Variants in STK32B observed in about 807,000 individuals in gnomAD.
STK32B encodes the protein serine/threonine-protein kinase 32B.
A neutral mutation model predicts 52.6 loss-of-function variants in STK32B; 43 were observed. The ratio of observed to expected loss-of-function variants is 0.82; its 90% CI spans 0.64 to 1.05. The LOEUF is 1.05. STK32B is among the 50% of genes least tolerant of loss of function. The pLI is 0.00. For synonymous variants in STK32B, 238 were observed against 204.3 expected, an observed-to-expected ratio of 1.17 and a Z score of -1.41; for missense variants, 621 against 534.6, an observed-to-expected ratio of 1.16 and a Z score of -1.59.
At chr4:5,176,951 G>A (rs1719950491) in intron 3 of STK32B, among the ~76,000 whole-genome samples, 1 of 152,116 alleles carries the variant, frequency 6.6e-6, no homozygotes, top group Admixed American at 6.6e-5. Flanking sequence ...AGACTCTCTG[G>A]GCCTCAACTT....
intron 1 of STK32B, among the ~76,000 whole-genome samples, chr4:5,090,762 T>C (rs1184451682): frequency 6.6e-6 from 1 of 152,190 alleles, no homozygotes; most frequent in African/African-American, 2.4e-5. Flanking sequence ...CACCATTTGC[T>C]GAACAGGAGA....
At chr4:5,036,151 C>G in the STK32B span, among the ~76,000 whole-genome samples, 1 of 152,088 alleles carries the variant, frequency 6.6e-6, no homozygotes, top group Admixed American at 6.6e-5. Context: ...TTAACAAATA[C>G]CACTCCTGCC....
At chr4:5,427,514 T>A (rs1713205940) in intron 6 of STK32B, among the ~76,000 whole-genome samples, 1 of 152,212 alleles carries the variant, frequency 6.6e-6, no homozygotes, top group African/African-American at 2.4e-5. Context: ...TATTTGGGCC[T>A]GGAGTTTTCT....
intron 4 of STK32B, among the ~76,000 whole-genome samples, chr4:5,381,745 C>A (rs1018598258): frequency 1.3e-5 from 2 of 152,060 alleles, no homozygotes; most frequent in East Asian, 1.9e-4. Context: ...TCCTTGGGGC[C>A]CTGTAAAGAT....
At chr4:5,355,105 C>T (rs995662526) in intron 4 of STK32B, among the ~76,000 whole-genome samples, 3 of 152,110 alleles carry the variant, frequency 2.0e-5, no homozygotes, top group Admixed American at 6.6e-5. Context: ...TTGTTTCTAT[C>T]CGTGAAGTTT....
At chr4:5,149,623 C>G (rs1430500450) in intron 2 of STK32B, among the ~76,000 whole-genome samples, 2 of 152,006 alleles carry the variant, frequency 1.3e-5, no homozygotes, top group Admixed American at 6.5e-5. Context: ...AGAGGCCCAT[C>G]TACCACCCTA....
chr4:5,375,833 C>G (rs758916673), intron 4 of STK32B, among the ~76,000 whole-genome samples: 23 of 152,090 alleles, frequency 1.5e-4, no homozygotes, highest in Non-Finnish European at 3.4e-4. Context: ...AATGGAGAAT[C>G]AAGCAGCAAG....
chr4:5,223,610 G>A (rs947276758), intron 3 of STK32B, among the ~76,000 whole-genome samples: 4 of 151,806 alleles, frequency 2.6e-5, no homozygotes, highest in Non-Finnish European at 5.9e-5. Context: ...TCAGGAGATC[G>A]AGACCATCCT....
At chr4:5,248,188 A>G (rs1725601055) in intron 3 of STK32B, among the ~76,000 whole-genome samples, 1 of 152,214 alleles carries the variant, frequency 6.6e-6, no homozygotes, top group Non-Finnish European at 1.5e-5. Context: ...GACATGAAGT[A>G]CCTGCTCAGT....
the STK32B span, among the ~76,000 whole-genome samples, chr4:5,045,667 G>A: frequency 1.3e-5 from 2 of 152,002 alleles, no homozygotes; most frequent in Non-Finnish European, 1.5e-5. Context: ...TCTTTGTAGC[G>A]ATTGTGAATG....
chr4:5,184,548 C>T (rs1031935992), intron 3 of STK32B, among the ~76,000 whole-genome samples: 6 of 151,808 alleles, frequency 4.0e-5, no homozygotes, highest in East Asian at 3.9e-4. Context: ...GTTAGCTGGG[C>T]GTGGTGGTGC....
intron 2 of STK32B, among the ~76,000 whole-genome samples, chr4:5,155,991 AATAT>A (rs761271498): frequency 2.6e-5 from 4 of 152,030 alleles, no homozygotes; most frequent in Non-Finnish European, 4.4e-5. Context: ...CTCTCTACAT[AATAT>A]ATATACCCAC....
At chr4:5,218,782 C>T (rs1723338590) in intron 3 of STK32B, among the ~76,000 whole-genome samples, 1 of 152,182 alleles carries the variant, frequency 6.6e-6, no homozygotes. Flanking sequence ...CTTGCTGGGC[C>T]AAGAAAACGG....
At chr4:5,221,474 A>G (rs1723534729) in intron 3 of STK32B, among the ~76,000 whole-genome samples, 1 of 152,192 alleles carries the variant, frequency 6.6e-6, no homozygotes, top group Non-Finnish European at 1.5e-5. Flanking sequence ...GATAATACAG[A>G]TGCTAATAAA....
At chr4:5,446,815 G>T in intron 7 of STK32B, 39 bp downstream of exon 7, 2 of 1,597,272 alleles carry the variant, frequency 1.3e-6, no homozygotes, top group Non-Finnish European at 1.7e-6. Flanking sequence ...GAGGGGCTGT[G>T]CAGTGGGGGC....
chr4:5,181,654 C>A (rs113128360), intron 3 of STK32B, among the ~76,000 whole-genome samples: 7 of 152,284 alleles, frequency 4.6e-5, no homozygotes, highest in Non-Finnish European at 1.0e-4. Flanking sequence ...AAGTTGTTTA[C>A]GCCATACTGT....
intron 11 of STK32B, among the ~76,000 whole-genome samples, chr4:5,472,174 C>T (rs932393755): frequency 1.3e-5 from 2 of 152,192 alleles, no homozygotes; most frequent in African/African-American, 4.8e-5. Context: ...AATCATAATC[C>T]TGGACTGGGC....
intron 3 of STK32B, among the ~76,000 whole-genome samples, chr4:5,274,009 AAAAC>A (rs942616253): frequency 4.0e-5 from 6 of 149,068 alleles, no homozygotes; most frequent in Non-Finnish European, 9.1e-5. Flanking sequence ...AAGAAACAAA[AAAAC>A]AAAACAAACA....
intron 3 of STK32B, among the ~76,000 whole-genome samples, chr4:5,301,345 T>C (rs1328223746): frequency 6.6e-6 from 1 of 152,140 alleles, no homozygotes; most frequent in African/African-American, 2.4e-5. Flanking sequence ...AAGATTGTTA[T>C]TAGCTCTTCT....
Sources: allele counts gnomAD v4.1 joint callset (sites outside exome capture counted in the v4.1 genomes callset), GRCh38; gene constraint gnomAD v4.1.1; transcripts MANE v1.5; gene names NCBI Gene and HGNC (gene_info 2026-07-23, HGNC 2026-07-21).